The following PTK2B variants were observed in gnomAD, a reference collection of about 807,000 sequenced individuals.
PTK2B encodes the protein protein tyrosine kinase 2 beta.
In PTK2B, 71 loss-of-function variants were observed where a neutral mutation model predicts 142.9. That is an observed-to-expected ratio of 0.50 (90% CI 0.41 to 0.61). PTK2B has a LOEUF of 0.61. Among genes scored for constraint, PTK2B ranks in the 20% least tolerant of loss-of-function variants. The pLI, the probability that PTK2B is intolerant of heterozygous loss-of-function variation, is 0.00. For synonymous variants in PTK2B, 519 were observed against 503.4 expected (o/e 1.03, Z -0.42); for missense variants, 1,105 against 1,320.4 (o/e 0.84, Z 2.53).
intron 1 of PTK2B, among the ~76,000 whole-genome samples, chr8:27,340,358 G>C (rs1226438297): frequency 6.6e-6 from 1 of 152,186 alleles, no homozygotes; most frequent in African/African-American, 2.4e-5. Context: ...AAGGGTGGTT[G>C]GGTGAGGTGC....
chr8:27,448,307 C>T (rs904324592), intron 24 of PTK2B, among the ~76,000 whole-genome samples: 3 of 152,238 alleles, frequency 2.0e-5, no homozygotes, highest in African/African-American at 7.2e-5. Context: ...GGTGTCACAA[C>T]TTACGAGAGT....
intron 2 of PTK2B, among the ~76,000 whole-genome samples, chr8:27,403,145 A>T (rs558423111): frequency 3.4e-4 from 51 of 152,024 alleles, no homozygotes; most frequent in Non-Finnish European, 6.3e-4. Flanking sequence ...GGAGTTTTCT[A>T]CTTCCATCTT....
chr8:27,381,387 T>C (rs1042004118), intron 1 of PTK2B, among the ~76,000 whole-genome samples: 5 of 152,248 alleles, frequency 3.3e-5, no homozygotes, highest in African/African-American at 1.2e-4. Flanking sequence ...TGTCTACTTC[T>C]GTGAGCTCAA....
chr8:27,441,911 G>A (rs1811179558), intron 21 of PTK2B, among the ~76,000 whole-genome samples: 2 of 152,146 alleles, frequency 1.3e-5, no homozygotes, highest in Non-Finnish European at 2.9e-5. Context: ...CCTGGGCTGA[G>A]AGGTGTTCCC....
chr8:27,326,534 T>A (rs923620943), intron 1 of PTK2B, among the ~76,000 whole-genome samples: 1 of 152,216 alleles, frequency 6.6e-6, no homozygotes, highest in Non-Finnish European at 1.5e-5. Flanking sequence ...GAGCAGAAAG[T>A]TGTGCCTAGA....
chr8:27,425,714 C>G (rs1810043671), intron 5 of PTK2B, among the ~76,000 whole-genome samples: 1 of 152,186 alleles, frequency 6.6e-6, no homozygotes, highest in African/African-American at 2.4e-5. Flanking sequence ...TGACCTATAT[C>G]TACCATTATA....
At chr8:27,448,821 T>C (rs1811633413) in intron 24 of PTK2B, among the ~76,000 whole-genome samples, 1 of 152,248 alleles carries the variant, frequency 6.6e-6, no homozygotes, top group South Asian at 2.1e-4. Flanking sequence ...TAACTGGGGA[T>C]TTTTATGGCC....
chr8:27,347,133 T>G (rs1023564130), intron 1 of PTK2B, among the ~76,000 whole-genome samples: 1 of 151,746 alleles, frequency 6.6e-6, no homozygotes, highest in Admixed American at 6.6e-5. Flanking sequence ...TCCAAGCACT[T>G]TGGGAGGCCA....
chr8:27,347,639 T>C (rs1344512862), intron 1 of PTK2B, among the ~76,000 whole-genome samples: 1 of 152,158 alleles, frequency 6.6e-6, no homozygotes, highest in Non-Finnish European at 1.5e-5. Context: ...GCACCAGCCA[T>C]ACTGGATTAG....
upstream of PTK2B, chr8:27,311,235 T>A (rs886367509): frequency 6.5e-7 from 1 of 1,528,408 alleles, no homozygotes; most frequent in Non-Finnish European, 8.8e-7. Flanking sequence ...CTCCGCTCCA[T>A]GGCACGAGCA....
intron 5 of PTK2B, among the ~76,000 whole-genome samples, chr8:27,425,046 A>C (rs1009188245): frequency 6.6e-6 from 1 of 151,934 alleles, no homozygotes; most frequent in Non-Finnish European, 1.5e-5. Flanking sequence ...GAATGATAAT[A>C]GTAACATTAT....
In PTK2B at chr8:27,422,375, G is replaced by A. The variant is rs767978331; in HGVS notation, c.543G>A (p.Leu181=). Residue 181 remains leucine (L), a synonymous_variant, in exon 5 of 31, where the codon CTG becomes CTA. Coordinates refer to ENST00000346049, the MANE Select transcript of PTK2B (RefSeq NM_173176.3). ...GCATGGCCCTGCAGCTGGGCTGCCT[G>A]GAGCTCAGGTATGTGGCCCTGAGGC... ...SEGMALQLGC[L]ELRRFFKDMP... 2.7e-5 allele frequency: 43 copies of A among 1,612,406 alleles called. No homozygotes were observed. Among genetic ancestry groups the A allele is most frequent in the Admixed American group, 1.7e-4 (10 of 59,800 alleles).
intron 1 of PTK2B, among the ~76,000 whole-genome samples, chr8:27,371,248 TGG>T (rs1296056729): frequency 6.6e-6 from 1 of 152,134 alleles, no homozygotes; most frequent in East Asian, 1.9e-4. Context: ...GCTGTCAGCC[TGG>T]GGGTAGCTTG....
At chr8:27,395,083 TAGA>T (rs796670827) in intron 1 of PTK2B, among the ~76,000 whole-genome samples, 4 of 152,222 alleles carry the variant, frequency 2.6e-5, no homozygotes, top group African/African-American at 9.6e-5. Context: ...TTTTTATAAG[TAGA>T]AGGAGTATAC....
intron 1 of PTK2B, among the ~76,000 whole-genome samples, chr8:27,348,532 C>T (rs1804851086): frequency 6.6e-6 from 1 of 152,118 alleles, no homozygotes; most frequent in Admixed American, 6.5e-5. Flanking sequence ...AAGGGAAGTG[C>T]GATCGCACCT....
At chr8:27,373,955 A>G (rs1586184362) in intron 1 of PTK2B, among the ~76,000 whole-genome samples, 1 of 152,056 alleles carries the variant, frequency 6.6e-6, no homozygotes, top group East Asian at 1.9e-4. Flanking sequence ...AGCTGAAGAG[A>G]CATTGCAAGG....
At chr8:27,351,043 G>A (rs1450503195) in intron 1 of PTK2B, among the ~76,000 whole-genome samples, 4 of 89,586 alleles carry the variant, frequency 4.5e-5, no homozygotes, top group East Asian at 6.4e-4. Context: ...ATATATATAC[G>A]TGCTTGGAGC....
chr8:27,393,520 T>C (rs1210494800), intron 1 of PTK2B, among the ~76,000 whole-genome samples: 1 of 152,074 alleles, frequency 6.6e-6, no homozygotes, highest in Non-Finnish European at 1.5e-5. Context: ...CTGGGTGGGC[T>C]GCATTGGGTC....
intron 1 of PTK2B, among the ~76,000 whole-genome samples, chr8:27,394,172 G>A (rs920922599): frequency 3.3e-5 from 5 of 152,108 alleles, no homozygotes; most frequent in African/African-American, 1.2e-4. Context: ...CTCTGGGTTG[G>A]GTACATTCTG....
Sources: allele counts gnomAD v4.1 joint callset (sites outside exome capture counted in the v4.1 genomes callset), GRCh38; gene constraint gnomAD v4.1.1; transcripts MANE v1.5; gene names NCBI Gene and HGNC (gene_info 2026-07-23, HGNC 2026-07-21).